The following STAU2 variants were observed in gnomAD, a reference collection of about 807,000 sequenced individuals.
STAU2 encodes staufen double-stranded RNA binding protein 2.
Under a neutral mutation model 65.9 loss-of-function variants are expected in STAU2, and 20 were observed. The ratio of observed to expected loss-of-function variants is 0.30; its 90% CI spans 0.21 to 0.44. The LOEUF is 0.44. Among genes scored for constraint, STAU2 ranks in the 20% least tolerant of loss-of-function variants. The probability of loss-of-function intolerance (pLI) is 1.00; values close to 1 mark genes in which losing one functional copy is unlikely to be tolerated. For synonymous variants in STAU2, 232 were observed against 233.9 expected (o/e 0.99, Z 0.07); for missense variants, 558 against 683.9 (o/e 0.82, Z 2.05).
At chr8:73,628,819 G>T (rs780637107) in intron 6 of STAU2, among the ~76,000 whole-genome samples, 24 of 152,076 alleles carry the variant, frequency 1.6e-4, no homozygotes, top group Admixed American at 3.3e-4. Flanking sequence ...GGATGATTAC[G>T]TTTGCACTAA....
chr8:73,732,701 T>G (rs1352242760), intron 3 of STAU2: 2 of 152,040 alleles, frequency 1.3e-5, no homozygotes, highest in East Asian at 3.9e-4. Context: ...AAGAATAGAG[T>G]TCCTGGTGCT....
At chr8:73,465,055 T>C (rs897928680) in intron 13 of STAU2, among the ~76,000 whole-genome samples, 6 of 152,176 alleles carry the variant, frequency 3.9e-5, no homozygotes, top group Non-Finnish European at 5.9e-5. Flanking sequence ...GCTGAGAAAA[T>C]ACTTAATTTC....
chr8:73,686,970 G>A lies in STAU2; in HGVS notation c.274+1684C>T, dbSNP rs185265541. On this transcript the variant is annotated intron_variant, in intron 5 of 14. Coordinates refer to ENST00000524300, the MANE Select transcript of STAU2 (RefSeq NM_001164380.2). The stretch of plus-strand genomic sequence containing the variant: ...TGTAGTGGCGTGATCTCGGCTCACT[G>A]AAACCTCCGCCTGCCAGGTTCAAGC... Among the ~76,000 whole-genome samples, 157 of 148,570 alleles carry A rather than the reference G, an allele frequency of 1.1e-3. 1 individual carries two copies. Among genetic ancestry groups the A allele is most frequent in the Admixed American group, 7.0e-3 (103 of 14,820 alleles).
intron 13 of STAU2, among the ~76,000 whole-genome samples, chr8:73,451,526 C>T (rs1217648858): frequency 6.6e-6 from 1 of 151,714 alleles, no homozygotes; most frequent in Non-Finnish European, 1.5e-5. Flanking sequence ...TAACACAGTG[C>T]CTACAAATAC....
At chr8:73,663,583 T>C (rs527858073) in intron 6 of STAU2, among the ~76,000 whole-genome samples, 136 of 152,132 alleles carry the variant, frequency 8.9e-4, no homozygotes, top group African/African-American at 3.2e-3. Context: ...AGTAGCCAAA[T>C]TGTTTTTTTG....
At chr8:73,605,892 C>T (rs1057353032) in intron 9 of STAU2, among the ~76,000 whole-genome samples, 114 of 143,444 alleles carry the variant, frequency 7.9e-4, no homozygotes, top group Non-Finnish European at 7.2e-4. Context: ...CACACACACA[C>T]ACACACACAC....
chr8:73,566,101 C>G (rs1048986011), intron 12 of STAU2, among the ~76,000 whole-genome samples: 1 of 152,202 alleles, frequency 6.6e-6, no homozygotes, highest in Non-Finnish European at 1.5e-5. Context: ...CAGATATTCT[C>G]CTTATCATGC....
At chr8:73,550,999 A>G (rs1807295887) in intron 13 of STAU2, 3 of 986,244 alleles carry the variant, frequency 3.0e-6, no homozygotes, top group Non-Finnish European at 3.6e-6. Flanking sequence ...AGGATATTAC[A>G]GTTTTTGGTC....
chr8:73,493,483 A>T (rs888626353), intron 13 of STAU2, among the ~76,000 whole-genome samples: 2 of 151,760 alleles, frequency 1.3e-5, no homozygotes, highest in Admixed American at 6.6e-5. Context: ...ATTTGAATAG[A>T]CTCTTCACAA....
At position 73,709,165 on chromosome 8, in the gene STAU2, G is replaced by A. The variant is rs1820718610; in HGVS notation, c.-17-3C>T. ...TGCCATTTTATCTTGGAGAGAAGCT[G>A]TAAATAAAAAGGCTATAAAGTTTTT... On this transcript the variant is annotated splice_region_variant and splice_polypyrimidine_tract_variant and intron_variant, in intron 3 of 14. Coordinates refer to ENST00000524300, the MANE Select transcript of STAU2 (RefSeq NM_001164380.2). 4 of 1,505,798 alleles carry A rather than the reference G, an allele frequency of 2.7e-6. No homozygotes were observed. Among genetic ancestry groups the A allele is most frequent in the South Asian group, 2.6e-5 (2 of 77,322 alleles). 93.3% of individuals were successfully genotyped at this position (1,505,798 alleles called of 1,614,324 possible).
chr8:73,696,466 G>A (rs1315079309), intron 4 of STAU2, among the ~76,000 whole-genome samples: 1 of 152,214 alleles, frequency 6.6e-6, no homozygotes, highest in Non-Finnish European at 1.5e-5. Context: ...TAGCTGTTTT[G>A]AGGAAACTCA....
chr8:73,590,007 G>C (rs1810650524), intron 11 of STAU2, among the ~76,000 whole-genome samples: 1 of 150,252 alleles, frequency 6.7e-6, no homozygotes, highest in Non-Finnish European at 1.5e-5. Context: ...AAGGAAGAGG[G>C]AAGAGGAGAG....
intron 13 of STAU2, chr8:73,549,564 G>T: frequency 1.2e-6 from 1 of 869,406 alleles, no homozygotes; most frequent in Non-Finnish European, 1.4e-6. Context: ...TCAAATTAAA[G>T]ACTGGGTGAT....
intron 1 of STAU2, among the ~76,000 whole-genome samples, chr8:73,745,859 C>T (rs1026600259): frequency 3.3e-5 from 5 of 152,140 alleles, no homozygotes; most frequent in African/African-American, 4.8e-5. Context: ...CAGAATCCCA[C>T]GGCCATTACC....
upstream of STAU2, among the ~76,000 whole-genome samples, chr8:73,747,097 C>T (rs1369593138): frequency 6.6e-6 from 1 of 151,724 alleles, no homozygotes; most frequent in African/African-American, 2.4e-5. Context: ...CGCCCCCTGG[C>T]GGCTGCCGGG....
intron 13 of STAU2, chr8:73,527,748 G>T: frequency 6.5e-7 from 1 of 1,536,640 alleles, no homozygotes; most frequent in African/African-American, 1.4e-5. Flanking sequence ...TCTGCACAGG[G>T]GCTAATGTCA....
chr8:73,681,219 G>A (rs1396869298), intron 5 of STAU2, among the ~76,000 whole-genome samples: 2 of 152,020 alleles, frequency 1.3e-5, no homozygotes, highest in African/African-American at 2.4e-5. Flanking sequence ...TGAGGCAAAA[G>A]CACCAGGTAA....
At chr8:73,426,846 T>C (rs926164388) in intron 13 of STAU2, among the ~76,000 whole-genome samples, 22 of 152,226 alleles carry the variant, frequency 1.4e-4, no homozygotes, top group African/African-American at 5.3e-4. Context: ...GTTCAATCTT[T>C]ATGCATCATC....
intron 13 of STAU2, among the ~76,000 whole-genome samples, chr8:73,438,405 A>G (rs4738354): frequency 0.79 from 119,665 of 152,100 alleles, 48,014 homozygotes; most frequent in East Asian, 0.96. Context: ...TGCTCAAGTC[A>G]CCCTGGAGGA....
Sources: gnomAD v4.1 joint callset for allele counts (sites outside exome capture counted in the v4.1 genomes callset) on GRCh38, gnomAD v4.1.1 for gene constraint, MANE v1.5 for transcripts, NCBI Gene and HGNC (gene_info 2026-07-23, HGNC 2026-07-21) for gene names.